The following PDS5A variants were observed in gnomAD, a reference collection of about 807,000 sequenced individuals.
PDS5A encodes sister chromatid cohesion protein PDS5 homolog A.
Under a neutral mutation model 167.1 loss-of-function variants are expected in PDS5A, and 42 were observed. The ratio of observed to expected loss-of-function variants is 0.25; its 90% CI spans 0.20 to 0.33. PDS5A has a LOEUF of 0.33. Among genes scored for constraint, PDS5A ranks in the 10% least tolerant of loss-of-function variants. The pLI is 1.00. For synonymous variants in PDS5A, 553 were observed against 554.6 expected, an observed-to-expected ratio of 1.00 and a Z score of 0.04; for missense variants, 1,033 against 1,605.9, an observed-to-expected ratio of 0.64 and a Z score of 6.10.
At position 39,836,614 on chromosome 4, in the gene PDS5A, TA is replaced by T. The variant is rs1333471427; in HGVS notation, c.4010+1241del. ...CACGACCACACCCGGGATTTTTTTC[TA>T]TTTTTTTTTTTTTTTTTTTTGTATT... On this transcript the variant is annotated intron_variant, in intron 32 of 32. Transcript: ENST00000303538. Among the ~76,000 whole-genome samples the T allele has an allele frequency of 2.8e-3, 195 of 70,144 alleles. No individual in the cohort carries two copies. In the East Asian group the frequency reaches 0.035, roughly 12 times the overall value. 46.0% of individuals were successfully genotyped at this position (70,144 alleles called of 152,430 possible).
At chr4:39,918,759 A>G (rs1324187125) in intron 7 of PDS5A, among the ~76,000 whole-genome samples, 3 of 152,160 alleles carry the variant, frequency 2.0e-5, no homozygotes, top group African/African-American at 7.2e-5. Context: ...AGGCTGGAGC[A>G]GGAGAATCGC....
intron 2 of PDS5A, among the ~76,000 whole-genome samples, chr4:39,954,323 G>A (rs1221003525): frequency 6.6e-6 from 1 of 152,074 alleles, no homozygotes; most frequent in East Asian, 1.9e-4. Context: ...CGGTGCCACT[G>A]CACCTCAGCC....
At chr4:39,929,536 T>TAC (rs780075310) in intron 2 of PDS5A, among the ~76,000 whole-genome samples, 15 of 116,652 alleles carry the variant, frequency 1.3e-4, no homozygotes, top group Middle Eastern at 8.3e-3. Context: ...TATATATATA[T>TAC]ATATATATAT....
intron 2 of PDS5A, among the ~76,000 whole-genome samples, chr4:39,975,418 T>C (rs547255401): frequency 6.6e-6 from 1 of 152,326 alleles, no homozygotes; most frequent in Non-Finnish European, 1.5e-5. Flanking sequence ...GCCAAGCTCA[T>C]TCCCTAAAAT....
At chr4:39,875,365 TC>T (rs1720374948) in intron 19 of PDS5A, among the ~76,000 whole-genome samples, 1 of 152,166 alleles carries the variant, frequency 6.6e-6, no homozygotes, top group Non-Finnish European at 1.5e-5. Context: ...TTTTCTAGTT[TC>T]AGTTTGCTAC....
rs1481138521 is a variant in PDS5A at position 39,824,766 on chromosome 4, CTAAAA to C, written c.*714_*718del. On this transcript the variant is annotated 3_prime_UTR_variant, in exon 33 of 33. Transcript: ENST00000303538. ...TACATTTATTGCAAATTATATTAAA[CTAAAA>C]TGAGGGGAAATCAAAATATGAACTG... The C allele has an allele frequency of 3.3e-5, 5 of 152,506 alleles. No homozygotes were observed. The highest frequency in any genetic ancestry group is 7.2e-5 in the African/African-American group (3 of 41,402). 9.4% of individuals were successfully genotyped at this position (152,506 alleles called of 1,614,324 possible). A position where few individuals can be genotyped will look rare whatever the true frequency, so the allele number is the denominator to read the frequency against.
chr4:39,872,623 C>G (rs1349288787), intron 21 of PDS5A, among the ~76,000 whole-genome samples: 1 of 152,148 alleles, frequency 6.6e-6, no homozygotes, highest in African/African-American at 2.4e-5. Context: ...TGCATTCCAG[C>G]CTGAGGCACA....
At chr4:39,954,728 T>A (rs1467357452) in intron 2 of PDS5A, among the ~76,000 whole-genome samples, 2 of 136,304 alleles carry the variant, frequency 1.5e-5, no homozygotes, top group Non-Finnish European at 3.1e-5. Flanking sequence ...ACGCTAAAGC[T>A]ATCAGACAGA....
At chr4:39,884,824 T>G (rs1035853771) in intron 17 of PDS5A, among the ~76,000 whole-genome samples, 4 of 152,326 alleles carry the variant, frequency 2.6e-5, no homozygotes, top group Middle Eastern at 3.4e-3. Context: ...GTTCCAGCCA[T>G]CATTACAATG....
chr4:39,920,387 G>A lies in PDS5A; in HGVS notation c.667C>T (p.Gln223Ter). The change falls in exon 7 of 33, where the codon CAG becomes TAG. Residue 223 changes from glutamine (Q) to a stop codon, truncating the protein, a stop_gained. Transcript: ENST00000303538. LOFTEE classifies it high-confidence loss of function. ...LIPAHKNLNKQSFDLAKVLLK... is the reference protein window; with the variant it reads ...LIPAHKNLNK ...AGCACTTTTGCAAGGTCAAAGGACT[G>A]TTTATTTAAGTTCTGAAAAATAATA... is the stretch of plus-strand genomic sequence containing the variant. 1 of 1,501,402 alleles carries A rather than the reference G, an allele frequency of 6.7e-7. No individual in the cohort carries two copies. The highest frequency in any genetic ancestry group is 9.2e-7 in the Non-Finnish European group (1 of 1,086,900). 93.0% of individuals were successfully genotyped at this position (1,501,402 alleles called of 1,614,324 possible).
At chr4:39,909,199 C>T (rs1441569938) in intron 10 of PDS5A, among the ~76,000 whole-genome samples, 1 of 151,550 alleles carries the variant, frequency 6.6e-6, no homozygotes, top group Non-Finnish European at 1.5e-5. Flanking sequence ...AATCTCGGTG[C>T]ACTGCAACCT....
At chr4:39,963,923 C>T (rs891814378) in intron 2 of PDS5A, among the ~76,000 whole-genome samples, 2 of 151,662 alleles carry the variant, frequency 1.3e-5, no homozygotes, top group South Asian at 2.1e-4. Flanking sequence ...TTTTTTTCCC[C>T]CCCAGACCGA....
chr4:39,944,702 A>AAC (rs2109773652), intron 2 of PDS5A, among the ~76,000 whole-genome samples: 1 of 151,942 alleles, frequency 6.6e-6, no homozygotes, highest in Admixed American at 6.6e-5. Flanking sequence ...CTCAAAAAAA[A>AAC]AAAAAAAAAC....
intron 2 of PDS5A, among the ~76,000 whole-genome samples, chr4:39,939,719 C>T (rs1228648080): frequency 6.6e-6 from 1 of 151,978 alleles, no homozygotes; most frequent in African/African-American, 2.4e-5. Context: ...ATCACTTGAA[C>T]CCAGGAGGCG....
chr4:39,908,335 C>T, intron 11 of PDS5A, 60 bp downstream of exon 11: 1 of 1,249,414 alleles, frequency 8.0e-7, no homozygotes, highest in Non-Finnish European at 1.2e-6. Flanking sequence ...AAATGATACC[C>T]AATTGTATTT....
chr4:39,892,162 G>A (rs763831659), intron 16 of PDS5A, among the ~76,000 whole-genome samples: 2 of 149,844 alleles, frequency 1.3e-5, no homozygotes, highest in African/African-American at 4.9e-5. Flanking sequence ...GTATTAGGCC[G>A]GGTGCAGTGG....
chr4:39,909,386 T>C (rs759720447), intron 10 of PDS5A, among the ~76,000 whole-genome samples: 1 of 152,166 alleles, frequency 6.6e-6, no homozygotes, highest in Non-Finnish European at 1.5e-5. Context: ...GGCCTCCCAA[T>C]GTGCAGGGGA....
chr4:39,837,442 C>T (rs752801532), intron 32 of PDS5A: 8 of 163,676 alleles, frequency 4.9e-5, no homozygotes, highest in African/African-American at 7.2e-5. Context: ...TTAGAATTAA[C>T]TATAACACGA....
chr4:39,899,851 TA>T (rs532738160), intron 14 of PDS5A, among the ~76,000 whole-genome samples: 7,491 of 101,668 alleles, frequency 0.074, 584 homozygotes, highest in African/African-American at 0.24. Context: ...TCCTGTGTAT[TA>T]AAAAAAAAAA....
Sources: allele counts gnomAD v4.1 joint callset (sites outside exome capture counted in the v4.1 genomes callset), GRCh38; gene constraint gnomAD v4.1.1; transcripts MANE v1.5; gene names NCBI Gene and HGNC (gene_info 2026-07-23, HGNC 2026-07-21).